ADCY2: variants seen among roughly 807,000 people sequenced by gnomAD.
ADCY2 encodes the protein adenylate cyclase type 2.
ADCY2 carries 31 observed loss-of-function variants against 125.2 expected under a neutral mutation model. The observed-to-expected ratio is 0.25, with a 90% CI of 0.19 to 0.33. The LOEUF is 0.33. ADCY2 is among the 10% of genes least tolerant of loss of function. The probability of loss-of-function intolerance (pLI) is 1.00; values close to 1 mark genes in which losing one functional copy is unlikely to be tolerated. For synonymous variants in ADCY2, 512 were observed against 548.4 expected (o/e 0.93, Z 0.93); for missense variants, 904 against 1,418.2 (o/e 0.64, Z 5.82).
chr5:7,767,698 T>G (rs1002632799), intron 17 of ADCY2, among the ~76,000 whole-genome samples: 4 of 151,734 alleles, frequency 2.6e-5, no homozygotes, highest in African/African-American at 9.8e-5. Flanking sequence ...TTCCCATCAT[T>G]TAATTTCTTG....
At chr5:7,706,989 T>G in intron 8 of ADCY2, 87 bp downstream of exon 8, 1 of 1,512,082 alleles carries the variant, frequency 6.6e-7, no homozygotes, top group Non-Finnish European at 9.0e-7. Context: ...AGTGCTCAGT[T>G]TTTGATCACT....
chr5:7,760,618 G>A (rs1384862246), intron 16 of ADCY2, among the ~76,000 whole-genome samples: 1 of 152,196 alleles, frequency 6.6e-6, no homozygotes, highest in East Asian at 1.9e-4. Context: ...GTAAGAGTGA[G>A]ATCATTTTTT....
chr5:7,802,135 C>T lies in ADCY2; in HGVS notation c.2629-83C>T. The stretch of plus-strand genomic sequence containing the variant: ...TGGGCGATGTCTGTGTGAATCCTGG[C>T]ATAAACAAGCCACTTGCCTGTGGAG... On this transcript the variant is annotated intron_variant, in intron 20 of 24. Coordinates refer to ENST00000338316, the MANE Select transcript of ADCY2 (RefSeq NM_020546.3). The surrounding 1 kb of genome is among the most constrained non-coding windows in gnomAD (Gnocchi z 4.6). 6.7e-7 allele frequency: 1 copy of T among 1,500,674 alleles called. No homozygotes were observed. The highest frequency in any genetic ancestry group is 1.3e-5 in the South Asian group (1 of 78,956). The allele number at this position is 1,500,674 out of a possible 1,614,324, so 93.0% of individuals were successfully genotyped here.
chr5:7,630,696 A>G (rs1305163924), intron 4 of ADCY2, among the ~76,000 whole-genome samples: 4 of 151,764 alleles, frequency 2.6e-5, no homozygotes, highest in Admixed American at 6.6e-5. Flanking sequence ...GGCTGCTTGC[A>G]TTCTTTGGCT....
At chr5:7,513,111 A>T (rs1387415861) in intron 2 of ADCY2, among the ~76,000 whole-genome samples, 2 of 149,972 alleles carry the variant, frequency 1.3e-5, no homozygotes, top group African/African-American at 4.9e-5. Context: ...ACACACAGAG[A>T]GAGAGAGAGA....
At chr5:7,405,722 A>G (rs181191201) in intron 1 of ADCY2, among the ~76,000 whole-genome samples, 1 of 152,378 alleles carries the variant, frequency 6.6e-6, no homozygotes, top group Non-Finnish European at 1.5e-5. Flanking sequence ...ACACATGGGC[A>G]TGATACAGGG....
At chr5:7,660,467 C>G (rs1561151053) in intron 4 of ADCY2, among the ~76,000 whole-genome samples, 1 of 152,010 alleles carries the variant, frequency 6.6e-6, no homozygotes, top group Non-Finnish European at 1.5e-5. Flanking sequence ...CAAACAATGG[C>G]ATAGGTGTAT....
At position 7,638,259 on chromosome 5, in the gene ADCY2, G is replaced by A. The variant is rs867914897; in HGVS notation, c.720+11943G>A. Among the ~76,000 whole-genome samples, 5 of 152,260 alleles carry A rather than the reference G, an allele frequency of 3.3e-5. No homozygotes were observed. In the Middle Eastern group the frequency reaches 0.01, roughly 311 times the overall value. On this transcript the variant is annotated intron_variant, in intron 4 of 24. Transcript: ENST00000338316. The stretch of plus-strand genomic sequence containing the variant: ...TGAGGCAGATTCTCCAGGAAATTAA[G>A]ACTTTATTTTCTAAACCAGTAGCAT...
At chr5:7,474,745 A>T (rs1375198899) in intron 2 of ADCY2, among the ~76,000 whole-genome samples, 6 of 152,232 alleles carry the variant, frequency 3.9e-5, no homozygotes. Context: ...CTGTAAGCAC[A>T]CTGGGAAGTG....
intron 3 of ADCY2, among the ~76,000 whole-genome samples, chr5:7,616,086 C>G (rs1355179321): frequency 6.6e-6 from 1 of 152,132 alleles, no homozygotes; most frequent in East Asian, 1.9e-4. Context: ...ATAAACAAAA[C>G]TCCTGGGAAT....
intron 13 of ADCY2, among the ~76,000 whole-genome samples, chr5:7,726,209 A>G (rs995179251): frequency 6.6e-6 from 1 of 152,142 alleles, no homozygotes; most frequent in African/African-American, 2.4e-5. Context: ...ACAAAATTTT[A>G]TTTCCTTTAA....
intron 4 of ADCY2, among the ~76,000 whole-genome samples, chr5:7,631,832 G>A (rs924645250): frequency 1.3e-5 from 2 of 152,124 alleles, no homozygotes; most frequent in Non-Finnish European, 2.9e-5. Flanking sequence ...CTGCAGCTTT[G>A]TCTGCTTGGA....
At chr5:7,585,843 A>C (rs1169840952) in intron 3 of ADCY2, among the ~76,000 whole-genome samples, 1 of 152,212 alleles carries the variant, frequency 6.6e-6, no homozygotes, top group Non-Finnish European at 1.5e-5. Context: ...ACCACCACCA[A>C]AAAGGTAACT....
In ADCY2 at chr5:7,702,474, T is replaced by G. The variant is rs545164505; in HGVS notation, c.1109+4100T>G. ...GTTCCCACCTATGAGTGAGAACATG[T>G]GGTGTTAGGTTTTTTGTCCTTGCGA... On this transcript the variant is annotated intron_variant, in intron 7 of 24. Transcript: ENST00000338316. 9.9e-5 allele frequency among the ~76,000 whole-genome samples: 15 copies of G among 151,460 alleles called. 1 individual carries two copies. In the East Asian group the frequency reaches 1.6e-3, roughly 16 times the overall value.
intron 2 of ADCY2, among the ~76,000 whole-genome samples, chr5:7,506,640 C>T (rs1466456983): frequency 1.3e-5 from 2 of 152,060 alleles, no homozygotes; most frequent in Non-Finnish European, 2.9e-5. Context: ...TACTAGCTAC[C>T]TAAGTGCTGT....
At position 7,626,065 on chromosome 5, in the gene ADCY2, C is replaced by A. The variant is rs1021713085; in HGVS notation, c.571-102C>A. The stretch of plus-strand genomic sequence containing the variant: ...AAACAGAAGTAAAATTAACTTCCTG[C>A]AGTTATCTCTCTGAAGACTGTTGCT... On this transcript the variant is annotated intron_variant, in intron 3 of 24. Transcript: ENST00000338316. The A allele has an allele frequency of 3.9e-6, 5 of 1,267,064 alleles. No homozygotes were observed. In the African/African-American group the frequency reaches 4.5e-5, roughly 12 times the overall value. The allele number at this position is 1,267,064 out of a possible 1,614,324, so 78.5% of individuals were successfully genotyped here. A position where few individuals can be genotyped will look rare whatever the true frequency, so the allele number is the denominator to read the frequency against.
chr5:7,623,864 C>G (rs957797090), intron 3 of ADCY2, among the ~76,000 whole-genome samples: 1 of 152,180 alleles, frequency 6.6e-6, no homozygotes, highest in African/African-American at 2.4e-5. Flanking sequence ...TGTATGCACA[C>G]CACATGCATA....
rs1561112565 is a variant in ADCY2, at chr5:7,589,508, AAGAAAAGAAAAG to A, written c.571-36657_571-36646del. On this transcript the variant is annotated intron_variant, in intron 3 of 24. Coordinates refer to ENST00000338316, the MANE Select transcript of ADCY2 (RefSeq NM_020546.3). ...AAAGAAAGAAAGAAAGAAAGAAAGAAAGAAAAGAAAAGAAAGAGAAAGAAAGAAAGGAGGGAG... is the reference window on the plus strand; with the variant it reads ...AAAGAAAGAAAGAAAGAAAGAAAGAAAAAGAGAAAGAAAGAAAGGAGGGAG... Among the ~76,000 whole-genome samples, 55 of 115,584 alleles carry A rather than the reference AAGAAAAGAAAAG, an allele frequency of 4.8e-4. 1 individual carries two copies. The highest frequency in any genetic ancestry group is 1.5e-3 in the African/African-American group (52 of 34,008). 75.8% of individuals were successfully genotyped at this position (115,584 alleles called of 152,430 possible). A position where few individuals can be genotyped will look rare whatever the true frequency, so the allele number is the denominator to read the frequency against.
intron 18 of ADCY2, among the ~76,000 whole-genome samples, chr5:7,783,043 C>T (rs1743965518): frequency 6.6e-6 from 1 of 152,194 alleles, no homozygotes; most frequent in Non-Finnish European, 1.5e-5. Flanking sequence ...AATGCAAGCA[C>T]AACCTTACTG....
Sources: allele counts gnomAD v4.1 joint callset (sites outside exome capture counted in the v4.1 genomes callset), GRCh38; gene constraint gnomAD v4.1.1; non-coding constraint Gnocchi (gnomAD v3.1); transcripts MANE v1.5; gene names NCBI Gene and HGNC (gene_info 2026-07-23, HGNC 2026-07-21).